LEFTY1: variants seen among roughly 807,000 people sequenced by gnomAD.
LEFTY1 encodes the protein left-right determination factor B.
LEFTY1 carries 18 observed loss-of-function variants against 22.6 expected under a neutral mutation model. The observed-to-expected ratio is 0.80, with a 90% CI of 0.55 to 1.18. The LOEUF is 1.18. LEFTY1 is among the 50% of genes most tolerant of loss of function. The pLI, the probability that LEFTY1 is intolerant of heterozygous loss-of-function variation, is 0.00. For synonymous variants in LEFTY1, 201 were observed against 231.5 expected (o/e 0.87, Z 1.20); for missense variants, 414 against 495.4 (o/e 0.84, Z 1.56).
rs1671345835 is a variant in LEFTY1, at chr1:225,889,111, G to A, written c.-45C>T. 7.0e-7 allele frequency: 1 copy of A among 1,434,858 alleles called. No individual in the cohort carries two copies. The highest frequency in any genetic ancestry group is 9.1e-7 in the Non-Finnish European group (1 of 1,098,042). 88.9% of individuals were successfully genotyped at this position (1,434,858 alleles called of 1,614,324 possible). On this transcript the variant is annotated 5_prime_UTR_variant, in exon 1 of 4. Transcript: ENST00000272134. ...AAGAGGCAGAGTGGGGCTGTCCCTT[G>A]AGAAGGCTGCAGGAGGGTCTCAGGC...
In LEFTY1 at chr1:225,886,527, G is replaced by T; in HGVS notation, c.*200C>A. 2 of 972,988 alleles carry T rather than the reference G, an allele frequency of 2.1e-6. No individual in the cohort carries two copies. The highest frequency in any genetic ancestry group is 2.9e-6 in the Non-Finnish European group (2 of 678,318). 60.3% of individuals were successfully genotyped at this position (972,988 alleles called of 1,614,324 possible). A position where few individuals can be genotyped will look rare whatever the true frequency, so the allele number is the denominator to read the frequency against. ...TAAGAATAGAGAAAACTGAGCAAGG[G>T]CTCTCCAGTGGCCAAAGATTCTCAT... On this transcript the variant is annotated 3_prime_UTR_variant, in exon 4 of 4. Coordinates refer to ENST00000272134, the MANE Select transcript of LEFTY1 (RefSeq NM_020997.4).
At position 225,887,098 on chromosome 1, in the gene LEFTY1, G is replaced by T; in HGVS notation, c.738-8C>A. ...TCACAGTCGCCCTGAGCTCTGTGTG[G>T]GCAAAGAGAGCAGGGTCAGCGGTCA... On this transcript the variant is annotated splice_region_variant and splice_polypyrimidine_tract_variant and intron_variant, in intron 3 of 3. Transcript: ENST00000272134. The T allele has an allele frequency of 6.3e-7, 1 of 1,597,360 alleles. No individual in the cohort carries two copies. The highest frequency in any genetic ancestry group is 1.9e-4 in the Middle Eastern group (1 of 5,156).
At chr1:225,888,360 G>GGCTGCAGGAGGATTCAGGCCC (rs1671331612) in intron 1 of LEFTY1, among the ~76,000 whole-genome samples, 1 of 151,256 alleles carries the variant, frequency 6.6e-6, no homozygotes, top group Non-Finnish European at 1.5e-5. Flanking sequence ...GATTCAGGCC[G>GGCTGCAGGAGGATTCAGGCCC]GCTGCAGGAG....
At chr1:225,888,474 A>G (rs1262022756) in intron 1 of LEFTY1, among the ~76,000 whole-genome samples, 1 of 152,190 alleles carries the variant, frequency 6.6e-6, no homozygotes, top group African/African-American at 2.4e-5. Flanking sequence ...ACAATGACTC[A>G]TTTTGATGTT....
intron 1 of LEFTY1, 37 bp downstream of exon 1, chr1:225,888,780 C>T (rs1671338365): frequency 6.2e-7 from 1 of 1,611,852 alleles, no homozygotes; most frequent in Non-Finnish European, 8.5e-7. Flanking sequence ...CTGACCTGCC[C>T]CATGGGACCA....
Position 225,887,930 on chromosome 1 carries a change from A to C in LEFTY1, c.353T>G (p.Leu118Arg). Residue 118 changes from leucine (L) to arginine (R), a missense_variant, in exon 2 of 4, where the codon CTG becomes CGG. Physicochemically the swap from Leu to Arg is moderately radical, Grantham distance 102 (BLOSUM62 -2). Transcript: ENST00000272134. ...PPNSELVQAVLRLFQEPVPKA... is the reference protein window; with the variant it reads ...PPNSELVQAVRRLFQEPVPKA... ...GGGGACCGGCTCCTGGAAGAGCCGCAGCACGGCCTGCACCAGCTCGCTGTT... is the reference window on the plus strand; with the variant it reads ...GGGGACCGGCTCCTGGAAGAGCCGCCGCACGGCCTGCACCAGCTCGCTGTT... The C allele has an allele frequency of 6.4e-7, 1 of 1,550,592 alleles. No homozygotes were observed. The highest frequency in any genetic ancestry group is 8.6e-7 in the Non-Finnish European group (1 of 1,157,420).
Position 225,886,820 on chromosome 1 carries a change from G to A in LEFTY1, c.1008C>T (p.Thr336=). The A allele has an allele frequency of 6.2e-7, 1 of 1,613,904 alleles. No individual in the cohort carries two copies. The highest frequency in any genetic ancestry group is 1.1e-5 in the South Asian group (1 of 91,074). The change falls in exon 4 of 4, where the codon ACC becomes ACT. Residue 336 remains threonine, a synonymous_variant. Transcript: ENST00000272134. ...TGGGCAGGCTGACCACCTGGGGCCTGGTCCTGCCTCCCTCCTTGATGCTGA... is the reference window on the plus strand; with the variant it reads ...TGGGCAGGCTGACCACCTGGGGCCTAGTCCTGCCTCCCTCCTTGATGCTGA... ...MIVSIKEGGR[T]RPQVVSLPNM...
chr1:225,887,160 A>G, intron 3 of LEFTY1, 70 bp from the exon 4 acceptor site: 1 of 1,523,976 alleles, frequency 6.6e-7, no homozygotes, highest in Non-Finnish European at 8.8e-7. Context: ...TCTGGGATGG[A>G]GATTTATGAT....
rs539131959 is a variant in LEFTY1, at chr1:225,887,492, G to T, written c.644C>A (p.Ala215Asp). 6.2e-7 allele frequency: 1 copy of T among 1,611,986 alleles called. No homozygotes were observed. Among genetic ancestry groups the T allele is most frequent in the Admixed American group, 1.7e-5 (1 of 59,952 alleles). The change falls in exon 3 of 4, where the codon GCC (alanine) becomes GAC (aspartate). Residue 215 changes from alanine to aspartate, a missense_variant. Coordinates refer to ENST00000272134, the MANE Select transcript of LEFTY1 (RefSeq NM_020997.4). ...REHLGPLASGAHKLVRFASQG... is the reference protein window; with the variant it reads ...REHLGPLASGDHKLVRFASQG... The stretch of plus-strand genomic sequence containing the variant: ...CGAGGCAAAGCGGACCAGCTTGTGG[G>T]CGCCGGACGCCAGCGGGCCCAGATG...
At chr1:225,887,762 C>T (rs1286734946) in intron 2 of LEFTY1, 24 bp downstream of exon 2, 2 of 1,550,348 alleles carry the variant, frequency 1.3e-6, no homozygotes, top group East Asian at 2.4e-5. Context: ...CTCCCCCTAC[C>T]CTGCGCGCCC....
rs749419688 is a variant in LEFTY1, at chr1:225,889,005, G to C, written c.62C>G (p.Ala21Gly). The part of the protein sequence containing the change: ...WVLPLASPGA[A>G]LTGEQLLGSL... ...GCCCAGGAGCTGCTCCCCGGTCAGG[G>C]CGGCCCCGGGGCTGGCCAGGGGCAA... The change falls in exon 1 of 4, where the codon GCC becomes GGC. Residue 21 changes from alanine to glycine, a missense_variant. Around this residue, in one of 2 missense-constraint regions of LEFTY1, gnomAD observed 398 missense variants for 454.7 expected, o/e 0.88. Coordinates refer to ENST00000272134, the MANE Select transcript of LEFTY1 (RefSeq NM_020997.4). 1 of 1,545,588 alleles carries C rather than the reference G, an allele frequency of 6.5e-7. No individual in the cohort carries two copies. The highest frequency in any genetic ancestry group is 2.3e-5 in the East Asian group (1 of 42,894).
chr1:225,887,696 G>A (rs746009279), intron 2 of LEFTY1, 58 bp from the exon 3 acceptor site: 12 of 1,602,926 alleles, frequency 7.5e-6, no homozygotes, highest in Admixed American at 3.4e-5. Context: ...GACGGGCCCC[G>A]AGGACCCCGC....
Position 225,887,501 on chromosome 1 carries a change from G to A in LEFTY1, c.635C>T (p.Ala212Val). The change falls in exon 3 of 4, where the codon GCG (alanine) becomes GTG (valine). Residue 212 changes from alanine (A) to valine (V), a missense_variant. Physicochemically the swap from Ala to Val is moderately conservative, Grantham distance 64. Coordinates refer to ENST00000272134, the MANE Select transcript of LEFTY1 (RefSeq NM_020997.4). The part of the protein sequence containing the change: ...SVQREHLGPL[A>V]SGAHKLVRFA... ...GCGGACCAGCTTGTGGGCGCCGGAC[G>A]CCAGCGGGCCCAGATGCTCCCTCTG... is the stretch of plus-strand genomic sequence containing the variant. 4.3e-6 allele frequency: 7 copies of A among 1,611,710 alleles called. No individual in the cohort carries two copies. The highest frequency in any genetic ancestry group is 5.1e-6 in the Non-Finnish European group (6 of 1,179,350).
chr1:225,886,637 C>A lies in LEFTY1; in HGVS notation c.*90G>T. On this transcript the variant is annotated 3_prime_UTR_variant, in exon 4 of 4. Coordinates refer to ENST00000272134, the MANE Select transcript of LEFTY1 (RefSeq NM_020997.4). The stretch of plus-strand genomic sequence containing the variant: ...TAGAGAGCACAGAGCATTTGTCCAT[C>A]AGCAGTTCAGTCATCGCCAGCTCTC... 6.3e-7 allele frequency: 1 copy of A among 1,584,992 alleles called. No homozygotes were observed.
chr1:225,887,379 G>A lies in LEFTY1; in HGVS notation c.737+20C>T, dbSNP rs528533348. ...CCTGTCTCTTTATTCCGGCTTACCA[G>A]TTTGACCCTCAGCACCTACCCATAG... On this transcript the variant is annotated intron_variant, in intron 3 of 3. Transcript: ENST00000272134. The A allele has an allele frequency of 1.2e-5, 19 of 1,613,194 alleles. No individual in the cohort carries two copies. In the East Asian group the frequency reaches 1.3e-4, roughly 11 times the overall value.
intron 2 of LEFTY1, 71 bp downstream of exon 2, chr1:225,887,715 C>A (rs771426458): frequency 1.9e-6 from 3 of 1,587,964 alleles, no homozygotes; most frequent in East Asian, 4.5e-5. Flanking sequence ...GCACCGCCCC[C>A]CCGCGTCCCC....
intron 1 of LEFTY1, 56 bp downstream of exon 1, chr1:225,888,761 T>A (rs2102658127): frequency 6.2e-7 from 1 of 1,607,214 alleles, no homozygotes; most frequent in African/African-American, 1.3e-5. Context: ...ACCACCGGAG[T>A]GGGCACATCT....
chr1:225,887,523 T>C lies in LEFTY1; in HGVS notation c.613A>G (p.Arg205Gly). Residue 205 changes from arginine (R) to glycine (G), a missense_variant, in exon 3 of 4, where the codon AGG (arginine) becomes GGG (glycine). This residue lies in a region of LEFTY1 where 398 missense variants were observed against 454.7 expected (regional missense o/e 0.88). Transcript: ENST00000272134. ...GACGCCAGCGGGCCCAGATGCTCCC[T>C]CTGCACCGACACCTGTAGCAGCAGC... Reference protein sequence around the residue: ...QPLLLQVSVQREHLGPLASGA... With the variant: ...QPLLLQVSVQGEHLGPLASGA... 2 of 1,611,844 alleles carry C rather than the reference T, an allele frequency of 1.2e-6. No individual in the cohort carries two copies. The highest frequency in any genetic ancestry group is 1.1e-5 in the South Asian group (1 of 91,042).
Position 225,887,860 on chromosome 1 carries a change from G to T in LEFTY1, c.423C>A (p.Ala141=). 1 of 1,530,616 alleles carries T rather than the reference G, an allele frequency of 6.5e-7. No individual in the cohort carries two copies. Among genetic ancestry groups the T allele is most frequent in the Non-Finnish European group, 8.7e-7 (1 of 1,145,160 alleles). The allele number at this position is 1,530,616 out of a possible 1,614,324, so 94.8% of individuals were successfully genotyped here. A position where few individuals can be genotyped will look rare whatever the true frequency, so the allele number is the denominator to read the frequency against. The change falls in exon 2 of 4, where the codon GCC becomes GCA. Residue 141 remains alanine (A), a synonymous_variant. Transcript: ENST00000272134. ...GCCACTCGACGGTCACCCGGGCCCG[G>T]GCGCTGCGCGGGGACAGCCGCCCGT... ...HRHGRLSPRS[A]RARVTVEWLR...
Sources: gnomAD v4.1 joint callset for allele counts (sites outside exome capture counted in the v4.1 genomes callset) on GRCh38, gnomAD v4.1.1 for gene constraint, gnomAD v4.1.1 regional missense constraint, MANE v1.5 for transcripts, NCBI Gene and HGNC (gene_info 2026-07-23, HGNC 2026-07-21) for gene names.